The following GRM7 variants were observed in gnomAD, a reference collection of about 807,000 sequenced individuals.
The protein encoded by GRM7 is glutamate metabotropic receptor 7.
In GRM7, 35 loss-of-function variants were observed where a neutral mutation model predicts 84.5. The ratio of observed to expected loss-of-function variants is 0.41; its 90% CI spans 0.32 to 0.55. The LOEUF (loss-of-function observed/expected upper bound fraction) is 0.55, where lower values mean the gene tolerates loss of function less well. Ranked by LOEUF, GRM7 falls within the 20% of genes least tolerant of loss-of-function variation. GRM7 has a pLI of 0.19. For synonymous variants in GRM7, 487 were observed against 455.1 expected, an observed-to-expected ratio of 1.07 and a Z score of -0.89; for missense variants, 1,003 against 1,194.6, an observed-to-expected ratio of 0.84 and a Z score of 2.36.
intron 2 of GRM7, among the ~76,000 whole-genome samples, chr3:7,215,603 T>C (rs1485366574): frequency 2.6e-5 from 4 of 152,048 alleles, no homozygotes; most frequent in East Asian, 1.9e-4. Flanking sequence ...GGGCGGAGCT[T>C]GCAGTGAGCT....
At chr3:7,367,978 T>A (rs9845976) in intron 4 of GRM7, among the ~76,000 whole-genome samples, 148,790 of 148,862 alleles carry the variant, frequency 1, 74,359 homozygotes, top group Middle Eastern at 1. Flanking sequence ...CAACAACAAC[T>A]ACACAGACAA....
Position 7,434,164 on chromosome 3 carries a change from A to T in GRM7, c.1175-18443A>T, listed in dbSNP as rs78660197. On this transcript the variant is annotated intron_variant, in intron 5 of 9. Coordinates refer to ENST00000357716, the MANE Select transcript of GRM7 (RefSeq NM_000844.4). ...CTGAAATAGAATTAACTCTGTATGT[A>T]GACCTTGAATATTATAAATTTTCAA... Among the ~76,000 whole-genome samples the T allele has an allele frequency of 2.7e-3, 414 of 152,308 alleles. 2 individuals carry two copies. The highest frequency in any genetic ancestry group is 9.2e-3 in the African/African-American group (382 of 41,592).
chr3:7,198,709 A>G (rs184070691), intron 2 of GRM7, among the ~76,000 whole-genome samples: 1 of 152,206 alleles, frequency 6.6e-6, no homozygotes, highest in Non-Finnish European at 1.5e-5. Context: ...AATAATGTAC[A>G]CAAAGTGAAA....
At chr3:7,695,912 T>G (rs541722328) in intron 9 of GRM7, among the ~76,000 whole-genome samples, 4 of 152,314 alleles carry the variant, frequency 2.6e-5, no homozygotes, top group African/African-American at 9.6e-5. Flanking sequence ...TGTGGCTATT[T>G]AAATTAATGA....
At chr3:7,690,319 T>A (rs887389138) in intron 9 of GRM7, among the ~76,000 whole-genome samples, 1 of 152,260 alleles carries the variant, frequency 6.6e-6, no homozygotes, top group African/African-American at 2.4e-5. Context: ...ATACTTCCCA[T>A]ACCAAAGGCT....
In GRM7 at chr3:7,452,822, A is replaced by T; in HGVS notation, c.1375+15A>T. The T allele has an allele frequency of 6.4e-7, 1 of 1,550,830 alleles. No homozygotes were observed. Among genetic ancestry groups the T allele is most frequent in the Non-Finnish European group, 8.9e-7 (1 of 1,123,702 alleles). ...TAATTTCAATGGTGAGTCTCCAAAA[A>T]TCCATCCTTTTTGGAATCCTAAGTG... On this transcript the variant is annotated intron_variant, in intron 6 of 9. Transcript: ENST00000357716.
chr3:7,338,371 A>C (rs930444448), intron 4 of GRM7, among the ~76,000 whole-genome samples: 5 of 152,044 alleles, frequency 3.3e-5, no homozygotes, highest in African/African-American at 1.2e-4. Flanking sequence ...AGTGAGTGGT[A>C]AAGACTACAC....
At chr3:7,062,205 G>A (rs928034415) in intron 1 of GRM7, among the ~76,000 whole-genome samples, 1 of 151,746 alleles carries the variant, frequency 6.6e-6, no homozygotes, top group African/African-American at 2.4e-5. Flanking sequence ...GGAATACAAG[G>A]ATCATAGGAG....
At chr3:7,074,467 T>G (rs1372203055) in intron 1 of GRM7, among the ~76,000 whole-genome samples, 2 of 152,188 alleles carry the variant, frequency 1.3e-5, no homozygotes, top group African/African-American at 4.8e-5. Flanking sequence ...GTCCATGAAT[T>G]TCTTCTAGTC....
chr3:7,558,308 C>T (rs1319809847), intron 7 of GRM7, among the ~76,000 whole-genome samples: 1 of 151,926 alleles, frequency 6.6e-6, no homozygotes. Flanking sequence ...AGTGGATGTT[C>T]AATAATTATT....
intron 2 of GRM7, among the ~76,000 whole-genome samples, chr3:7,253,177 T>C (rs1034667602): frequency 6.6e-6 from 1 of 152,136 alleles, no homozygotes; most frequent in Non-Finnish European, 1.5e-5. Flanking sequence ...ATACCAACTT[T>C]GTTCATTTAC....
At position 7,300,451 on chromosome 3, in the gene GRM7, C is replaced by T. The variant is rs189124571; in HGVS notation, c.878+1626C>T. Among the ~76,000 whole-genome samples the T allele has an allele frequency of 3.3e-5, 5 of 152,296 alleles. No homozygotes were observed. In the East Asian group the frequency reaches 9.6e-4, roughly 29 times the overall value. ...TTCTTAGATAATGAGCACTGTCTGA[C>T]CTTGGGCAAGTTCCTCCCACTGCCT... On this transcript the variant is annotated intron_variant, in intron 3 of 9. Transcript: ENST00000357716.
At chr3:7,400,195 A>G (rs1695390968) in intron 4 of GRM7, among the ~76,000 whole-genome samples, 1 of 152,158 alleles carries the variant, frequency 6.6e-6, no homozygotes, top group African/African-American at 2.4e-5. Flanking sequence ...CCCTGGCAGA[A>G]CCTCAGTTCA....
intron 7 of GRM7, among the ~76,000 whole-genome samples, chr3:7,546,814 T>A (rs746496693): frequency 6.6e-5 from 10 of 152,344 alleles, no homozygotes; most frequent in Middle Eastern, 3.4e-3. Context: ...TAAATCGTGG[T>A]TCTGCTTTAA....
chr3:7,098,432 T>C (rs1698931570), intron 1 of GRM7, among the ~76,000 whole-genome samples: 1 of 152,008 alleles, frequency 6.6e-6, no homozygotes, highest in African/African-American at 2.4e-5. Flanking sequence ...ACTTTGGAGT[T>C]ATCAAACAAA....
chr3:6,909,645 A>C (rs1410546568), intron 1 of GRM7, among the ~76,000 whole-genome samples: 1 of 152,104 alleles, frequency 6.6e-6, no homozygotes, highest in Non-Finnish European at 1.5e-5. Flanking sequence ...GATTTAAGTC[A>C]GGGAAATATG....
intron 9 of GRM7, among the ~76,000 whole-genome samples, chr3:7,713,527 T>C (rs981819933): frequency 6.6e-6 from 1 of 152,134 alleles, no homozygotes; most frequent in African/African-American, 2.4e-5. Context: ...TTCGGAGCTC[T>C]AGAGCAGATA....
At chr3:7,347,238 A>G (rs978675611) in intron 4 of GRM7, among the ~76,000 whole-genome samples, 4 of 152,170 alleles carry the variant, frequency 2.6e-5, no homozygotes, top group African/African-American at 9.7e-5. Context: ...GTAACACAAC[A>G]TGCTTAAAAC....
At chr3:7,416,862 C>G (rs568970127) in intron 5 of GRM7, among the ~76,000 whole-genome samples, 1 of 152,074 alleles carries the variant, frequency 6.6e-6, no homozygotes, top group South Asian at 2.1e-4. Flanking sequence ...GATAATTTGT[C>G]TCTATGACAG....
Sources: gnomAD v4.1 joint callset for allele counts (sites outside exome capture counted in the v4.1 genomes callset) on GRCh38, gnomAD v4.1.1 for gene constraint, MANE v1.5 for transcripts, NCBI Gene and HGNC (gene_info 2026-07-23, HGNC 2026-07-21) for gene names.